RAB4A: variants seen among roughly 807,000 people sequenced by gnomAD.
The protein encoded by RAB4A is ras-related protein Rab-4A.
In RAB4A, 20 loss-of-function variants were observed where a neutral mutation model predicts 34.5. The ratio of observed to expected loss-of-function variants is 0.58; its 90% CI spans 0.41 to 0.84. RAB4A has a LOEUF of 0.84. RAB4A is among the 40% of genes least tolerant of loss of function. The pLI is 0.00. For synonymous variants in RAB4A, 102 were observed against 100.0 expected (o/e 1.02, Z -0.12); for missense variants, 228 against 274.5 (o/e 0.83, Z 1.20).
chr1:229,274,220 T>C, intron 1 of RAB4A, among the ~76,000 whole-genome samples: 1 of 79,910 alleles, frequency 1.3e-5, no homozygotes, highest in East Asian at 2.6e-4. Flanking sequence ...ACCTGGCTAA[T>C]TTTTTTTTTT....
At chr1:229,276,100 A>G (rs1232303266) in intron 1 of RAB4A, among the ~76,000 whole-genome samples, 1 of 151,506 alleles carries the variant, frequency 6.6e-6, no homozygotes, top group African/African-American at 2.5e-5. Flanking sequence ...TTGAATAAAT[A>G]TATGATTATA....
chr1:229,281,804 A>ATG (rs1656783743), intron 1 of RAB4A, among the ~76,000 whole-genome samples: 1 of 113,882 alleles, frequency 8.8e-6, no homozygotes, highest in Non-Finnish European at 1.8e-5. Context: ...ATATATACAT[A>ATG]ACTTATCATA....
chr1:229,277,409 C>T (rs1049284635), intron 1 of RAB4A, among the ~76,000 whole-genome samples: 7 of 151,218 alleles, frequency 4.6e-5, no homozygotes, highest in African/African-American at 1.2e-4. Context: ...CTCTACAGGT[C>T]GTGTGCTCTT....
chr1:229,299,191 C>T, intron 6 of RAB4A, 119 bp downstream of exon 6: 1 of 694,984 alleles, frequency 1.4e-6, no homozygotes, highest in Non-Finnish European at 2.3e-6. Context: ...TCTCTACCTG[C>T]CAACCTAAAA....
intron 1 of RAB4A, among the ~76,000 whole-genome samples, chr1:229,275,787 A>AT (rs1270506508): frequency 2.8e-4 from 41 of 147,716 alleles, no homozygotes; most frequent in Admixed American, 4.0e-4. Context: ...CACCTAGCTA[A>AT]TTTTTTTTTT....
At chr1:229,295,152 C>G (rs571308716) in intron 3 of RAB4A, among the ~76,000 whole-genome samples, 31 of 152,036 alleles carry the variant, frequency 2.0e-4, no homozygotes, top group Middle Eastern at 6.8e-3. Flanking sequence ...GGGTCTCTCT[C>G]TCTTACCCAG....
intron 3 of RAB4A, among the ~76,000 whole-genome samples, chr1:229,292,797 C>T (rs1239401155): frequency 6.6e-6 from 1 of 151,824 alleles, no homozygotes; most frequent in Non-Finnish European, 1.5e-5. Context: ...TTTTTTCTGA[C>T]ATCAAGTCTA....
intron 1 of RAB4A, among the ~76,000 whole-genome samples, chr1:229,272,055 G>C (rs1458486695): frequency 6.6e-6 from 1 of 151,970 alleles, no homozygotes. Flanking sequence ...ACCCAGACCT[G>C]GAGGTGCTTG....
chr1:229,286,034 A>G (rs1656915202), intron 1 of RAB4A, among the ~76,000 whole-genome samples: 1 of 152,272 alleles, frequency 6.6e-6, no homozygotes, highest in Non-Finnish European at 1.5e-5. Context: ...AGTGCAGACA[A>G]AACTTATTTT....
At chr1:229,290,139 G>T (rs1299919926) in intron 3 of RAB4A, among the ~76,000 whole-genome samples, 1 of 152,192 alleles carries the variant, frequency 6.6e-6, no homozygotes, top group Non-Finnish European at 1.5e-5. Context: ...TTCCTCTGGA[G>T]TCCCAGAAAA....
chr1:229,289,130 G>T, intron 3 of RAB4A: 1 of 234,928 alleles, frequency 4.3e-6, no homozygotes, highest in Non-Finnish European at 8.1e-6. Context: ...TGTACAGTAT[G>T]TTTCTAGATT....
chr1:229,295,887 T>C lies in RAB4A; in HGVS notation c.267T>C (p.Ala89=), dbSNP rs1487664161. 1.2e-6 allele frequency: 2 copies of C among 1,614,070 alleles called. No individual in the cohort carries two copies. The highest frequency in any genetic ancestry group is 1.7e-4 in the Middle Eastern group (1 of 6,060). The change falls in exon 4 of 8, where the codon GCT becomes GCC. Residue 89 remains alanine (A), a synonymous_variant. Transcript: ENST00000366690. ...GTTATTACCGAGGCGCGGCCGGGGCTCTCCTCGTCTATGATATCACCAGGT... is the reference window on the plus strand; with the variant it reads ...GTTATTACCGAGGCGCGGCCGGGGCCCTCCTCGTCTATGATATCACCAGGT... ...TRSYYRGAAG[A]LLVYDITSRE...
intron 3 of RAB4A, among the ~76,000 whole-genome samples, chr1:229,293,197 C>T (rs1657140263): frequency 1.3e-5 from 2 of 152,254 alleles, no homozygotes; most frequent in African/African-American, 4.8e-5. Flanking sequence ...CCAGCACCTC[C>T]ATGCCACCAC....
intron 7 of RAB4A, among the ~76,000 whole-genome samples, chr1:229,303,301 G>A (rs777605891): frequency 6.6e-6 from 1 of 151,820 alleles, no homozygotes; most frequent in South Asian, 2.1e-4. Context: ...GGAGGTTGCA[G>A]TAAGCCAAGA....
At chr1:229,282,815 A>G (rs1243382290) in intron 1 of RAB4A, among the ~76,000 whole-genome samples, 1 of 152,106 alleles carries the variant, frequency 6.6e-6, no homozygotes, top group African/African-American at 2.4e-5. Flanking sequence ...TGAGACTTCT[A>G]GTTCTTTGCT....
chr1:229,286,620 C>T lies in RAB4A; in HGVS notation c.112+54C>T, dbSNP rs1312107573. 51 of 1,143,342 alleles carry T rather than the reference C, an allele frequency of 4.5e-5. No homozygotes were observed. In the Admixed American group the frequency reaches 5.1e-4, roughly 11 times the overall value. 70.8% of individuals were successfully genotyped at this position (1,143,342 alleles called of 1,614,324 possible). A position where few individuals can be genotyped will look rare whatever the true frequency, so the allele number is the denominator to read the frequency against. On this transcript the variant is annotated intron_variant, in intron 2 of 7. Coordinates refer to ENST00000366690, the MANE Select transcript of RAB4A (RefSeq NM_004578.4). ...CGTGCATGTCTTCTGAGAGCCCTCTCACTCAGATTTGTTTACAGTAAACTT... is the reference window on the plus strand; with the variant it reads ...CGTGCATGTCTTCTGAGAGCCCTCTTACTCAGATTTGTTTACAGTAAACTT...
chr1:229,278,013 C>A lies in RAB4A; in HGVS notation c.31+6643C>A, dbSNP rs184784141. 3.6e-4 allele frequency among the ~76,000 whole-genome samples: 54 copies of A among 151,634 alleles called. 5 individuals carry two copies. Among genetic ancestry groups the A allele is most frequent in the African/African-American group, 1.2e-3 (51 of 40,968 alleles). ...CTGAGTCGCTGGGATTACAAGTGTG[C>A]GCCACCACGCCTGGCTCATTTTTGT... On this transcript the variant is annotated intron_variant, in intron 1 of 7. Coordinates refer to ENST00000366690, the MANE Select transcript of RAB4A (RefSeq NM_004578.4).
chr1:229,295,373 G>T lies in RAB4A; in HGVS notation c.228-475G>T, dbSNP rs188896640. Among the ~76,000 whole-genome samples the T allele has an allele frequency of 7.2e-5, 11 of 152,304 alleles. No individual in the cohort carries two copies. The East Asian group carries it at 2.1e-3, about 29-fold the overall frequency. On this transcript the variant is annotated intron_variant, in intron 3 of 7. Coordinates refer to ENST00000366690, the MANE Select transcript of RAB4A (RefSeq NM_004578.4). ...CACTCAGTTTTCCCGTAGTAATAGG[G>T]CAGGGATGCAGGTGGGTGTAGGGCC...
chr1:229,282,422 T>C (rs953479142), intron 1 of RAB4A, among the ~76,000 whole-genome samples: 10 of 152,214 alleles, frequency 6.6e-5, no homozygotes, highest in African/African-American at 1.9e-4. Flanking sequence ...ATGGACTTCT[T>C]TGAGTTTATC....
Sources: allele counts gnomAD v4.1 joint callset (sites outside exome capture counted in the v4.1 genomes callset), GRCh38; gene constraint gnomAD v4.1.1; transcripts MANE v1.5; gene names NCBI Gene and HGNC (gene_info 2026-07-23, HGNC 2026-07-21).